Variants in CSMD1 observed in about 807,000 individuals in gnomAD.
The protein encoded by CSMD1 is CUB and Sushi multiple domains 1, also known as CUB and sushi domain-containing protein 1.
In CSMD1, 213 loss-of-function variants were observed where a neutral mutation model predicts 417.5. The ratio of observed to expected loss-of-function variants is 0.51; its 90% CI spans 0.46 to 0.57. The LOEUF (loss-of-function observed/expected upper bound fraction) is 0.57, where lower values mean the gene tolerates loss of function less well. Ranked by LOEUF, CSMD1 falls within the 20% of genes least tolerant of loss-of-function variation. The pLI is 0.00. For synonymous variants in CSMD1, 2,862 were observed against 1,736.8 expected (o/e 1.65, Z -16.11); for missense variants, 6,923 against 4,529.7 (o/e 1.53, Z -15.17).
chr8:4,559,406 A>T (rs1178007679), intron 2 of CSMD1, among the ~76,000 whole-genome samples: 1 of 152,216 alleles, frequency 6.6e-6, no homozygotes, highest in East Asian at 1.9e-4. Context: ...CACCAAATAC[A>T]CTGAACCATG....
Position 3,096,895 on chromosome 8 carries a change from G to A in CSMD1, c.7092C>T (p.Asp2364=), listed in dbSNP as rs754189818. The change falls in exon 47 of 70, where the codon GAC becomes GAT. Residue 2364 remains aspartate (D), a synonymous_variant. Transcript: ENST00000635120. The part of the protein sequence containing the change: ...EPNYNITIFV[D]TFQSEKQFDA... ...CAAACTGCTTTTCACTTTGAAATGTGTCCACAAAGATGGTAATGTTGTAGT... is the reference window on the plus strand; with the variant it reads ...CAAACTGCTTTTCACTTTGAAATGTATCCACAAAGATGGTAATGTTGTAGT... 1 of 1,557,260 alleles carries A rather than the reference G, an allele frequency of 6.4e-7. No individual in the cohort carries two copies.
chr8:3,271,159 TTGAG>T (rs1342305090), intron 26 of CSMD1, among the ~76,000 whole-genome samples: 2 of 147,892 alleles, frequency 1.4e-5, no homozygotes, highest in African/African-American at 5.0e-5. Context: ...GTTCCCACCT[TTGAG>T]TGAGAATATG....
chr8:4,220,674 A>T (rs1177593443), intron 3 of CSMD1, among the ~76,000 whole-genome samples: 1 of 152,212 alleles, frequency 6.6e-6, no homozygotes, highest in Non-Finnish European at 1.5e-5. Context: ...TAGCAAAAGA[A>T]GGAAAGGGAA....
At position 4,050,084 on chromosome 8, in the gene CSMD1, G is replaced by C. The variant is rs7813839; in HGVS notation, c.416-17985C>G. Among the ~76,000 whole-genome samples, 313 of 152,236 alleles carry C rather than the reference G, an allele frequency of 2.1e-3. 1 individual carries two copies. Among genetic ancestry groups the C allele is most frequent in the African/African-American group, 7.2e-3 (297 of 41,518 alleles). On this transcript the variant is annotated intron_variant, in intron 3 of 69. Transcript: ENST00000635120. ...GGAACTTGTCTGGTGTTTTCTCACA[G>C]TGCACCAGGTTGTGGGTTGTTGGGA...
At chr8:3,542,932 T>A (rs770615172) in intron 10 of CSMD1, among the ~76,000 whole-genome samples, 9 of 150,914 alleles carry the variant, frequency 6.0e-5, no homozygotes, top group Non-Finnish European at 1.3e-4. Context: ...GCAGCTCTCC[T>A]GAGACTTGGG....
intron 3 of CSMD1, among the ~76,000 whole-genome samples, chr8:4,399,481 T>C (rs1804498581): frequency 1.3e-5 from 2 of 152,210 alleles, no homozygotes; most frequent in Non-Finnish European, 2.9e-5. Flanking sequence ...TTTCCTCATG[T>C]TCACGCTTAA....
chr8:4,355,910 G>C (rs1446279608), intron 3 of CSMD1, among the ~76,000 whole-genome samples: 4 of 138,178 alleles, frequency 2.9e-5, no homozygotes, highest in Non-Finnish European at 6.6e-5. Context: ...CTCATGATTT[G>C]AATCAGCTGT....
At chr8:4,650,321 G>GGCA (rs1360117914) in intron 1 of CSMD1, among the ~76,000 whole-genome samples, 2 of 141,228 alleles carry the variant, frequency 1.4e-5, no homozygotes, top group Non-Finnish European at 3.0e-5. Context: ...CTCCAGCCTG[G>GGCA]GCAGCAGTAC....
intron 15 of CSMD1, 70 bp downstream of exon 15, chr8:3,405,957 G>T: frequency 6.9e-7 from 1 of 1,459,854 alleles, no homozygotes; most frequent in South Asian, 1.3e-5. Context: ...CAGTTTGTTG[G>T]TTTGTGTGTG....
At chr8:4,399,986 C>G (rs1280616721) in intron 3 of CSMD1, among the ~76,000 whole-genome samples, 1 of 152,128 alleles carries the variant, frequency 6.6e-6, no homozygotes, top group African/African-American at 2.4e-5. Flanking sequence ...GTTGATAAGC[C>G]TTTCTTTCCA....
chr8:3,214,178 G>A (rs1382583057), intron 30 of CSMD1, among the ~76,000 whole-genome samples: 1 of 152,056 alleles, frequency 6.6e-6, no homozygotes, highest in African/African-American at 2.4e-5. Context: ...GAGAGAGAGA[G>A]AGAGAAGTAA....
chr8:3,155,868 T>C lies in CSMD1; in HGVS notation c.5914+2029A>G, dbSNP rs1354021840. On this transcript the variant is annotated intron_variant, in intron 39 of 69. Transcript: ENST00000635120. The stretch of plus-strand genomic sequence containing the variant: ...TCCTGGATGAGCCTATCATAAAGGC[T>C]GAAGTTTTTTGTTTTACAGGTTTCG... Among the ~76,000 whole-genome samples, 6 of 152,062 alleles carry C rather than the reference T, an allele frequency of 3.9e-5. No individual in the cohort carries two copies. The East Asian group carries it at 1.2e-3, about 29-fold the overall frequency.
intron 1 of CSMD1, among the ~76,000 whole-genome samples, chr8:4,703,500 C>A (rs1807718855): frequency 6.6e-6 from 1 of 152,074 alleles, no homozygotes; most frequent in Non-Finnish European, 1.5e-5. Flanking sequence ...AACATGTATA[C>A]TTCATGAAAG....
intron 23 of CSMD1, among the ~76,000 whole-genome samples, chr8:3,322,662 G>T (rs1224619413): frequency 6.6e-6 from 1 of 152,168 alleles, no homozygotes; most frequent in African/African-American, 2.4e-5. Flanking sequence ...TGGCCTCCAG[G>T]TGTGGTTGCA....
At chr8:3,889,309 AAAG>A (rs967412791) in intron 5 of CSMD1, among the ~76,000 whole-genome samples, 34 of 151,646 alleles carry the variant, frequency 2.2e-4, no homozygotes, top group African/African-American at 4.8e-4. Flanking sequence ...GTTAAAAGGA[AAAG>A]AAGAAGAGAC....
rs140961141 is a variant in CSMD1, at chr8:3,018,794, T to G, written c.7856-144A>C. On this transcript the variant is annotated intron_variant, in intron 51 of 69. Coordinates refer to ENST00000635120, the MANE Select transcript of CSMD1 (RefSeq NM_033225.6). ...CACTAAGAACATGGTTGAGAGTGTC[T>G]GCTTAGGGCTGGATAGACCAGTCAC... 4,957 of 709,410 alleles carry G rather than the reference T, an allele frequency of 7.0e-3. 27 individuals carry two copies. The highest frequency in any genetic ancestry group is 9.1e-3 in the Non-Finnish European group (4,010 of 439,902). The allele number at this position is 709,410 out of a possible 1,614,324, so 43.9% of individuals were successfully genotyped here. A position where few individuals can be genotyped will look rare whatever the true frequency, so the allele number is the denominator to read the frequency against.
At chr8:4,021,745 C>A (rs188457306) in intron 4 of CSMD1, among the ~76,000 whole-genome samples, 1 of 152,238 alleles carries the variant, frequency 6.6e-6, no homozygotes, top group African/African-American at 2.4e-5. Flanking sequence ...CTATCCCCGT[C>A]CCCTCCCCAA....
intron 1 of CSMD1, among the ~76,000 whole-genome samples, chr8:4,760,855 T>C (rs1163284766): frequency 1.3e-5 from 2 of 152,204 alleles, no homozygotes. Flanking sequence ...TCATAATGCC[T>C]GTAATATACA....
chr8:4,330,945 T>A (rs956641152), intron 3 of CSMD1, among the ~76,000 whole-genome samples: 1 of 152,144 alleles, frequency 6.6e-6, no homozygotes, highest in Non-Finnish European at 1.5e-5. Context: ...CCCATGTTCA[T>A]TTTTATAACT....
Sources: gnomAD v4.1 joint callset for allele counts (sites outside exome capture counted in the v4.1 genomes callset) on GRCh38, gnomAD v4.1.1 for gene constraint, MANE v1.5 for transcripts, NCBI Gene and HGNC (gene_info 2026-07-23, HGNC 2026-07-21) for gene names.